PPIL2: variants seen among roughly 807,000 people sequenced by gnomAD.
PPIL2 encodes peptidylprolyl isomerase like 2, also known as RING-type E3 ubiquitin-protein ligase PPIL2.
Under a neutral mutation model 75.2 loss-of-function variants are expected in PPIL2, and 50 were observed. That is an observed-to-expected ratio of 0.66 (90% CI 0.53 to 0.84). The LOEUF (loss-of-function observed/expected upper bound fraction) is 0.84. PPIL2 is among the 40% of genes least tolerant of loss of function. The probability of loss-of-function intolerance (pLI) is 0.00; values close to 1 mark genes in which losing one functional copy is unlikely to be tolerated. For missense variants in PPIL2, 590 were observed against 685.0 expected (o/e 0.86, Z 1.55); for synonymous variants, 245 against 258.8 (o/e 0.95, Z 0.51).
At chr22:21,668,781 C>T (rs1309246243) in intron 1 of PPIL2, among the ~76,000 whole-genome samples, 2 of 147,942 alleles carry the variant, frequency 1.4e-5, no homozygotes, top group East Asian at 2.1e-4. Context: ...GCATGGTCTC[C>T]GCTCACTGCA....
chr22:21,669,939 A>G lies in PPIL2; in HGVS notation c.59A>G (p.His20Arg). The G allele has an allele frequency of 6.2e-7, 1 of 1,613,936 alleles. No homozygotes were observed. The highest frequency in any genetic ancestry group is 8.5e-7 in the Non-Finnish European group (1 of 1,179,884). Residue 20 changes from histidine to arginine, a missense_variant, in exon 2 of 20, where the codon CAC (histidine) becomes CGC (arginine). Physicochemically the swap from His to Arg is conservative, Grantham distance 29. Transcript: ENST00000398831. ...KMYITCAEYT[H>R]FYGGKKPDLP... Reference sequence around the variant, plus strand: ...TACATTACCTGTGCTGAATACACTCACTTTTATGGTGGCAAGAAGCCAGGT... The same window carrying G: ...TACATTACCTGTGCTGAATACACTCGCTTTTATGGTGGCAAGAAGCCAGGT...
intron 4 of PPIL2, 145 bp downstream of exon 4, chr22:21,671,204 G>C: frequency 1.2e-6 from 1 of 849,242 alleles, no homozygotes; most frequent in Non-Finnish European, 2.0e-6. Flanking sequence ...CAATGCTGCT[G>C]TGACCCTTGG....
At chr22:21,686,379 TGG>T in intron 10 of PPIL2, 102 bp from the exon 11 acceptor site, 1 of 1,123,224 alleles carries the variant, frequency 8.9e-7, no homozygotes, top group Non-Finnish European at 1.3e-6. Flanking sequence ...AAGCAGGGCC[TGG>T]GGGGCAGGGG....
At position 21,681,295 on chromosome 22, in the gene PPIL2, C is replaced by G. The variant is rs1008508120; in HGVS notation, c.296-4C>G. 1.2e-6 allele frequency: 2 copies of G among 1,611,168 alleles called. No homozygotes were observed. The highest frequency in any genetic ancestry group is 2.2e-5 in the East Asian group (1 of 44,876). On this transcript the variant is annotated splice_region_variant and splice_polypyrimidine_tract_variant and intron_variant, in intron 6 of 19. Coordinates refer to ENST00000398831, the MANE Select transcript of PPIL2 (RefSeq NM_014337.4). The stretch of plus-strand genomic sequence containing the variant: ...TGGCCTCCCTGTGTGTGCCTTCTCT[C>G]TAGGGAAGTACCACTGCCCAGTGCT...
chr22:21,688,046 C>T (rs1468322361), intron 13 of PPIL2, 27 bp from the exon 14 acceptor site: 1 of 1,614,202 alleles, frequency 6.2e-7, no homozygotes. Flanking sequence ...CAGAGTGTGA[C>T]TTGCTCACTG....
chr22:21,682,775 A>G (rs2067185328), intron 8 of PPIL2, among the ~76,000 whole-genome samples: 1 of 152,210 alleles, frequency 6.6e-6, no homozygotes, highest in African/African-American at 2.4e-5. Flanking sequence ...CAAGTGAATT[A>G]ATGAAAAACA....
chr22:21,681,387 T>C lies in PPIL2; in HGVS notation c.384T>C (p.Tyr128=). 1.2e-6 allele frequency: 2 copies of C among 1,611,754 alleles called. No individual in the cohort carries two copies. Among genetic ancestry groups the C allele is most frequent in the Non-Finnish European group, 1.7e-6 (2 of 1,177,822 alleles). The change falls in exon 7 of 20, where the codon TAT becomes TAC. Residue 128 remains tyrosine, a synonymous_variant. Coordinates refer to ENST00000398831, the MANE Select transcript of PPIL2 (RefSeq NM_014337.4). ...GGACGACCGGCAACGTCTACGCCTA[T>C]GAGGTGTGTCCTCGCTCCGGGGCGT... ...AVRTTGNVYA[Y]EAVEQLNIKA...
At chr22:21,669,091 T>C (rs1488318302) in intron 1 of PPIL2, among the ~76,000 whole-genome samples, 3 of 150,464 alleles carry the variant, frequency 2.0e-5, no homozygotes, top group East Asian at 2.0e-4. Context: ...CCTCGTGATC[T>C]GCCCGCCTTG....
chr22:21,696,484 G>T lies in PPIL2; in HGVS notation c.*994G>T, dbSNP rs2067937834. 8.1e-7 allele frequency: 1 copy of T among 1,237,402 alleles called. No individual in the cohort carries two copies. The highest frequency in any genetic ancestry group is 3.6e-5 in the Admixed American group (1 of 27,846). The allele number at this position is 1,237,402 out of a possible 1,614,324, so 76.7% of individuals were successfully genotyped here. Reference sequence around the variant, plus strand: ...TGACTCTGATGGCCTTGGGCCAGCTGCATCAGCAGCCCTTAAAGAAAGACC... The same window carrying T: ...TGACTCTGATGGCCTTGGGCCAGCTTCATCAGCAGCCCTTAAAGAAAGACC... On this transcript the variant is annotated 3_prime_UTR_variant, in exon 20 of 20. Coordinates refer to ENST00000398831, the MANE Select transcript of PPIL2 (RefSeq NM_014337.4).
At chr22:21,666,239 C>A in intron 1 of PPIL2, 108 bp downstream of exon 1, 1 of 1,291,254 alleles carries the variant, frequency 7.7e-7, no homozygotes, top group East Asian at 2.7e-5. Flanking sequence ...CAGAGCACAG[C>A]CCAAAGGTCA....
In PPIL2 at chr22:21,684,469, AAAAAAAG is replaced by A. The variant is rs1286892086; in HGVS notation, c.554-277_554-271del. Reference sequence around the variant, plus strand: ...TCCATCTCCACAAAAAAAAAAAAAAAAAAAAAGAAAAAAAAAGCAAAGCGTATACTCT... The same window carrying A: ...TCCATCTCCACAAAAAAAAAAAAAAAAAAAAAAAAGCAAAGCGTATACTCT... On this transcript the variant is annotated intron_variant, in intron 9 of 19. Transcript: ENST00000398831. Among the ~76,000 whole-genome samples, 573 of 149,222 alleles carry A rather than the reference AAAAAAAG, an allele frequency of 3.8e-3. 5 individuals are homozygous for A. The highest frequency in any genetic ancestry group is 0.014 in the African/African-American group (557 of 40,014).
At chr22:21,683,042 A>G in intron 8 of PPIL2, 140 bp from the exon 9 acceptor site, 1 of 764,124 alleles carries the variant, frequency 1.3e-6, no homozygotes, top group South Asian at 1.5e-5. Flanking sequence ...CTCCTCCCTC[A>G]TGCCCTGCTT....
intron 19 of PPIL2, 83 bp downstream of exon 19, chr22:21,695,153 C>T (rs2067865490): frequency 6.8e-7 from 1 of 1,465,816 alleles, no homozygotes; most frequent in African/African-American, 1.4e-5. Flanking sequence ...CCCAGAGGGG[C>T]AAGCAAGCTA....
rs145393650 is a variant in PPIL2, at chr22:21,671,942, C to T, written c.192-388C>T. On this transcript the variant is annotated intron_variant, in intron 4 of 19. Coordinates refer to ENST00000398831, the MANE Select transcript of PPIL2 (RefSeq NM_014337.4). ...TGGTGTGCACCTGTAGTCCCAGCTACTTGGAAGCTGAGGTGGGAGGATCGC... is the reference window on the plus strand; with the variant it reads ...TGGTGTGCACCTGTAGTCCCAGCTATTTGGAAGCTGAGGTGGGAGGATCGC... Among the ~76,000 whole-genome samples, 1,148 of 152,120 alleles carry T rather than the reference C, an allele frequency of 7.5e-3. 9 individuals carry two copies. Among genetic ancestry groups the T allele is most frequent in the Middle Eastern group, 0.031 (9 of 294 alleles).
chr22:21,692,434 G>A (rs147556940), intron 15 of PPIL2, among the ~76,000 whole-genome samples: 3,464 of 151,746 alleles, frequency 0.023, 124 homozygotes, highest in African/African-American at 0.076. Flanking sequence ...GATTACAGGC[G>A]TGAGCCACTG....
At chr22:21,680,845 A>C (rs1466912160) in intron 6 of PPIL2, among the ~76,000 whole-genome samples, 3 of 148,134 alleles carry the variant, frequency 2.0e-5, no homozygotes, top group South Asian at 4.2e-4. Flanking sequence ...AAAAAAAAAA[A>C]AAAAAAAACA....
At chr22:21,686,593 T>G in intron 11 of PPIL2, 35 bp downstream of exon 11, 2 of 1,601,854 alleles carry the variant, frequency 1.2e-6, no homozygotes, top group Non-Finnish European at 1.7e-6. Flanking sequence ...ACCTGCCATG[T>G]GACCCAAAAG....
intron 15 of PPIL2, among the ~76,000 whole-genome samples, chr22:21,689,673 A>ACGTCAC (rs1223696049): frequency 2.6e-5 from 4 of 152,186 alleles, no homozygotes; most frequent in African/African-American, 9.7e-5. Flanking sequence ...CACATCAGTC[A>ACGTCAC]CGTCACCGTC....
chr22:21,681,151 G>A (rs988921170), intron 6 of PPIL2, 148 bp from the exon 7 acceptor site: 60 of 660,234 alleles, frequency 9.1e-5, no homozygotes, highest in Non-Finnish European at 1.5e-4. Context: ...TGTCCCCATG[G>A]TTCCCTGCTC....
Sources: allele counts gnomAD v4.1 joint callset (sites outside exome capture counted in the v4.1 genomes callset), GRCh38; gene constraint gnomAD v4.1.1; transcripts MANE v1.5; gene names NCBI Gene and HGNC (gene_info 2026-07-23, HGNC 2026-07-21).